Variants in SACS observed in about 807,000 individuals in gnomAD.
SACS encodes sacsin.
In SACS, 197 loss-of-function variants were observed where a neutral mutation model predicts 348.0. The ratio of observed to expected loss-of-function variants is 0.57; its 90% CI spans 0.50 to 0.64. The LOEUF (loss-of-function observed/expected upper bound fraction) is 0.64. SACS is among the 30% of genes least tolerant of loss of function. SACS has a pLI of 0.00. For synonymous variants in SACS, 1,985 were observed against 1,910.6 expected (o/e 1.04, Z -1.02); for missense variants, 4,999 against 5,360.8 (o/e 0.93, Z 2.11).
chr13:23,332,526 T>C lies in SACS; in HGVS notation c.11350A>G (p.Lys3784Glu), dbSNP rs1397088396. Residue 3784 changes from lysine to glutamate, a missense_variant, in exon 10 of 10, where the codon AAA becomes GAA. Coordinates refer to ENST00000382292, the MANE Select transcript of SACS (RefSeq NM_014363.6). Reference protein sequence around the residue: ...RSIYEFLSAEKREFRFQLRGV... With the variant: ...RSIYEFLSAEEREFRFQLRGV... ...CGCAACTGAAAACGAAATTCCCTTT[T>C]TTCTGCACTGAGGAATTCATATATG... The C allele has an allele frequency of 1.2e-6, 2 of 1,614,016 alleles. No homozygotes were observed. The highest frequency in any genetic ancestry group is 1.7e-5 in the Admixed American group (1 of 59,996).
At position 23,338,533 on chromosome 13, in the gene SACS, A is replaced by T; in HGVS notation, c.5343T>A (p.Leu1781=). 1 of 1,614,172 alleles carries T rather than the reference A, an allele frequency of 6.2e-7. No homozygotes were observed. Among genetic ancestry groups the T allele is most frequent in the Non-Finnish European group, 8.5e-7 (1 of 1,180,010 alleles). The change falls in exon 10 of 10, where the codon CTT becomes CTA. Residue 1781 remains leucine (L), a synonymous_variant. Transcript: ENST00000382292. The part of the protein sequence containing the change: ...FRRIADLQSP[L]FRGPDDDPAA... ...CTGGGTCATCATCTGGACCTCTAAA[A>T]AGTGGCGACTGTAAATCAGCAATCC...
intron 6 of SACS, among the ~76,000 whole-genome samples, chr13:23,364,479 C>T (rs1328897850): frequency 6.6e-6 from 1 of 152,096 alleles, no homozygotes; most frequent in Non-Finnish European, 1.5e-5. Context: ...CGGGGTTTTG[C>T]CACGTTCGCC....
chr13:23,413,221 G>A (rs1163359961), intron 1 of SACS, among the ~76,000 whole-genome samples: 4 of 152,030 alleles, frequency 2.6e-5, no homozygotes, highest in East Asian at 3.9e-4. Context: ...CAGGTGATGC[G>A]CCTGCCCTAG....
intron 9 of SACS, chr13:23,346,745 G>A (rs904908165): frequency 5.0e-6 from 4 of 805,314 alleles, no homozygotes; most frequent in South Asian, 5.7e-5. Context: ...TGCAAAAACA[G>A]AATTCGAAGA....
intron 2 of SACS, among the ~76,000 whole-genome samples, chr13:23,382,344 T>C (rs1385967316): frequency 3.3e-5 from 5 of 152,046 alleles, no homozygotes; most frequent in Middle Eastern, 3.2e-3. Flanking sequence ...AGGGGAGATT[T>C]TGAAGGAAAA....
At chr13:23,389,188 ATG>A (rs34493351) in intron 2 of SACS, among the ~76,000 whole-genome samples, 12,816 of 151,462 alleles carry the variant, frequency 0.085, 697 homozygotes, top group East Asian at 0.13. Flanking sequence ...ATATGTGTGT[ATG>A]TGTGTGTGTG....
At chr13:23,402,554 C>T (rs184281246) in intron 2 of SACS, among the ~76,000 whole-genome samples, 21 of 152,262 alleles carry the variant, frequency 1.4e-4, no homozygotes, top group Admixed American at 3.3e-4. Flanking sequence ...TGTAACAAGG[C>T]ATAATTGGAA....
chr13:23,385,462 C>G (rs1872251138), intron 2 of SACS, among the ~76,000 whole-genome samples: 1 of 151,552 alleles, frequency 6.6e-6, no homozygotes, highest in South Asian at 2.1e-4. Flanking sequence ...TGGGTTCAAG[C>G]GATTCTCCTG....
chr13:23,412,512 C>G (rs1873535112), intron 1 of SACS, among the ~76,000 whole-genome samples: 1 of 148,014 alleles, frequency 6.8e-6, no homozygotes, highest in Non-Finnish European at 1.5e-5. Context: ...CTCCCGAGTT[C>G]AAGTGATTCT....
In SACS at chr13:23,329,717, G is replaced by C. The variant is rs1297037206; in HGVS notation, c.*419C>G. On this transcript the variant is annotated 3_prime_UTR_variant, in exon 10 of 10. Coordinates refer to ENST00000382292, the MANE Select transcript of SACS (RefSeq NM_014363.6). ...ACTTAAAAAAATGACAGACTACAAA[G>C]ACTTAATTCCCCTTATGTTTAAACC... The C allele has an allele frequency of 3.3e-5, 17 of 508,100 alleles. No individual in the cohort carries two copies. In the East Asian group the frequency reaches 5.3e-4, roughly 16 times the overall value. 31.5% of individuals were successfully genotyped at this position (508,100 alleles called of 1,614,324 possible).
chr13:23,356,752 G>A (rs971063438), intron 7 of SACS, among the ~76,000 whole-genome samples: 4 of 152,000 alleles, frequency 2.6e-5, no homozygotes, highest in Non-Finnish European at 5.9e-5. Context: ...AGGGTGATGT[G>A]ATGTATGCTT....
intron 2 of SACS, among the ~76,000 whole-genome samples, chr13:23,396,265 A>G (rs1022729025): frequency 4.0e-5 from 6 of 151,396 alleles, no homozygotes; most frequent in Non-Finnish European, 8.8e-5. Context: ...CAGAGGTTGC[A>G]GTGAGCCAAG....
chr13:23,334,060 A>G lies in SACS; in HGVS notation c.9816T>C (p.Val3272=), dbSNP rs1307411736. ...GCAATGCCCAGTCTTTTAGAGTATC[A>G]ACAACAATGTCAAATGTTGGTTTTG... The part of the protein sequence containing the change: ...EETKPTFDIV[V]DTLKDWALLP... The change falls in exon 10 of 10, where the codon GTT becomes GTC. Residue 3272 remains valine, a synonymous_variant. Transcript: ENST00000382292. 2 of 1,613,738 alleles carry G rather than the reference A, an allele frequency of 1.2e-6. No homozygotes were observed. The highest frequency in any genetic ancestry group is 2.2e-5 in the East Asian group (1 of 44,892).
At chr13:23,393,787 G>A (rs1353932977) in intron 2 of SACS, among the ~76,000 whole-genome samples, 1 of 151,806 alleles carries the variant, frequency 6.6e-6, no homozygotes, top group African/African-American at 2.4e-5. Flanking sequence ...TTGAGACGGA[G>A]TCTCGCACTG....
Position 23,336,131 on chromosome 13 carries a change from G to GGGGCCCACTTATCATCAAATATTCTATC in SACS, c.7717_7744dup (p.Pro2582ArgfsTer2). On this transcript the variant is annotated stop_gained and frameshift_variant, in exon 10 of 10. Transcript: ENST00000382292. LOFTEE classifies it high-confidence loss of function. The stretch of plus-strand genomic sequence containing the variant: ...CACACAAAGTGCTGGCCCTTGCAAT[G>GGGGCCCACTTATCATCAAATATTCTATC]GGGCCCACTTATCATCAAATATTCT... 1 of 1,613,022 alleles carries GGGGCCCACTTATCATCAAATATTCTATC rather than the reference G, an allele frequency of 6.2e-7. No homozygotes were observed. Among genetic ancestry groups the GGGGCCCACTTATCATCAAATATTCTATC allele is most frequent in the Non-Finnish European group, 8.5e-7 (1 of 1,179,214 alleles).
chr13:23,355,857 C>A lies in SACS; in HGVS notation c.755G>T (p.Gly252Val). 3 of 1,614,186 alleles carry A rather than the reference C, an allele frequency of 1.9e-6. No homozygotes were observed. Among genetic ancestry groups the A allele is most frequent in the Non-Finnish European group, 2.5e-6 (3 of 1,180,032 alleles). Reference protein sequence around the residue: ...ELSDQFAPFVGIFGSTKETFI... With the variant: ...ELSDQFAPFVVIFGSTKETFI... ...TGTTTCCTTGGTGCTTCCAAAAATG[C>A]CAACAAATGGTGCAAACTGGTCTGA... is the stretch of plus-strand genomic sequence containing the variant. The change falls in exon 8 of 10, where the codon GGC becomes GTC. Residue 252 changes from glycine to valine, a missense_variant. Transcript: ENST00000382292.
In SACS at chr13:23,332,305, C is replaced by G. The variant is rs1335896880; in HGVS notation, c.11571G>C (p.Leu3857Phe). 6.2e-7 allele frequency: 1 copy of G among 1,613,782 alleles called. No individual in the cohort carries two copies. The highest frequency in any genetic ancestry group is 8.5e-7 in the Non-Finnish European group (1 of 1,179,914). Residue 3857 changes from leucine to phenylalanine, a missense_variant, in exon 10 of 10, where the codon TTG (leucine) becomes TTC (phenylalanine). Physicochemically the swap from Leu to Phe is conservative, Grantham distance 22. Around this residue, in one of 6 missense-constraint regions of SACS, gnomAD observed 831 missense variants for 941.8 expected, o/e 0.88. Transcript: ENST00000382292. ...CCTCAGAATTTTTAAATATGCGGCT[C>G]AACACTTCAACATATTGCTTAGTTG... ...IISTKQYVEV[L>F]SRIFKNSEGK...
intron 1 of SACS, among the ~76,000 whole-genome samples, chr13:23,414,161 G>A (rs1397250417): frequency 5.3e-5 from 8 of 152,210 alleles, no homozygotes; most frequent in Admixed American, 4.6e-4. Flanking sequence ...AAAGTTAGCC[G>A]GGCGTGGTGG....
intron 9 of SACS, among the ~76,000 whole-genome samples, chr13:23,349,522 A>G (rs1166570623): frequency 2.6e-5 from 4 of 152,238 alleles, no homozygotes; most frequent in Non-Finnish European, 5.9e-5. Flanking sequence ...TTACGTATTC[A>G]TCATTCGATC....
Sources: allele counts gnomAD v4.1 joint callset (sites outside exome capture counted in the v4.1 genomes callset), GRCh38; gene constraint gnomAD v4.1.1; regional missense constraint gnomAD v4.1.1; transcripts MANE v1.5; gene names NCBI Gene and HGNC (gene_info 2026-07-23, HGNC 2026-07-21).